Variants in SLCO5A1 observed in about 807,000 individuals in gnomAD.
The protein encoded by SLCO5A1 is organic anion transporter polypeptide-related protein 4.
In SLCO5A1, 39 loss-of-function variants were observed where a neutral mutation model predicts 65.1. The ratio of observed to expected loss-of-function variants is 0.60; its 90% CI spans 0.46 to 0.78. SLCO5A1 has a LOEUF of 0.78. SLCO5A1 is among the 30% of genes least tolerant of loss of function. The pLI, the probability that SLCO5A1 is intolerant of heterozygous loss-of-function variation, is 0.00. For missense variants in SLCO5A1, 1,029 were observed against 1,069.4 expected, an observed-to-expected ratio of 0.96 and a Z score of 0.53; for synonymous variants, 438 against 415.7, an observed-to-expected ratio of 1.05 and a Z score of -0.65.
chr8:69,778,273 TA>T (rs1818653648), intron 2 of SLCO5A1, among the ~76,000 whole-genome samples: 5 of 151,538 alleles, frequency 3.3e-5, no homozygotes, highest in Non-Finnish European at 7.4e-5. Flanking sequence ...ATATATGTGT[TA>T]AACCTTTTCA....
At chr8:69,819,429 T>G (rs1820544940) in intron 2 of SLCO5A1, among the ~76,000 whole-genome samples, 1 of 152,036 alleles carries the variant, frequency 6.6e-6, no homozygotes, top group South Asian at 2.1e-4. Context: ...ATTTCTGCTT[T>G]TATTAGAAAG....
chr8:69,757,710 C>T (rs151020644), intron 3 of SLCO5A1, among the ~76,000 whole-genome samples: 2 of 152,164 alleles, frequency 1.3e-5, no homozygotes, highest in East Asian at 3.9e-4. Flanking sequence ...AAAAGGTCAT[C>T]TGTCTATAGA....
chr8:69,762,380 G>C (rs536043516), intron 2 of SLCO5A1, among the ~76,000 whole-genome samples: 137 of 151,996 alleles, frequency 9.0e-4, no homozygotes, highest in African/African-American at 3.1e-3. Flanking sequence ...TAGAGATGGG[G>C]TTTCACCATG....
At chr8:69,678,356 A>G (rs1239184244) in intron 8 of SLCO5A1, among the ~76,000 whole-genome samples, 2 of 152,190 alleles carry the variant, frequency 1.3e-5, no homozygotes, top group Non-Finnish European at 2.9e-5. Flanking sequence ...TTAGCAGGAG[A>G]CAAGATAAGG....
rs570491122 is a variant in SLCO5A1 at position 69,711,627 on chromosome 8, G to C, written c.1424-6398C>G. Among the ~76,000 whole-genome samples the C allele has an allele frequency of 4.6e-5, 7 of 152,220 alleles. No homozygotes were observed. The East Asian group carries it at 1.3e-3, about 29-fold the overall frequency. On this transcript the variant is annotated intron_variant, in intron 5 of 9. Transcript: ENST00000260126. ...GTTCAAGAGGCAGATCCAGGTAAGA[G>C]TCTGGGCTATGTAGCCAGATCCCCT...
At chr8:69,811,763 T>C (rs949272434) in intron 2 of SLCO5A1, among the ~76,000 whole-genome samples, 5 of 152,226 alleles carry the variant, frequency 3.3e-5, no homozygotes, top group African/African-American at 1.2e-4. Flanking sequence ...TGTTTAACCA[T>C]GTGCCAGGCC....
At chr8:69,674,416 G>A (rs894407146) in intron 9 of SLCO5A1, among the ~76,000 whole-genome samples, 2 of 152,054 alleles carry the variant, frequency 1.3e-5, no homozygotes, top group Non-Finnish European at 2.9e-5. Context: ...TGAGTGATAC[G>A]TTTTAAATAA....
rs1813367974 is a variant in SLCO5A1 at position 69,672,550 on chromosome 8, C to T, written c.*319G>A. The T allele has an allele frequency of 1.7e-5, 5 of 292,174 alleles. No homozygotes were observed. The South Asian group carries it at 3.9e-4, about 23-fold the overall frequency. The allele number at this position is 292,174 out of a possible 1,614,324, so 18.1% of individuals were successfully genotyped here. On this transcript the variant is annotated 3_prime_UTR_variant, in exon 10 of 10. Transcript: ENST00000260126. ...GAGTGTTAGTTAATGATATGCACCG[C>T]CATTCCCCTTCCCATGGTTTTGCTA...
intron 4 of SLCO5A1, among the ~76,000 whole-genome samples, chr8:69,746,251 C>G (rs1817024161): frequency 6.6e-6 from 1 of 152,104 alleles, no homozygotes; most frequent in Non-Finnish European, 1.5e-5. Context: ...AAAGAAATTT[C>G]CTTAGGATAG....
At chr8:69,709,574 A>G (rs536934133) in intron 5 of SLCO5A1, among the ~76,000 whole-genome samples, 1 of 152,372 alleles carries the variant, frequency 6.6e-6, no homozygotes, top group African/African-American at 2.4e-5. Flanking sequence ...AAAACAGAAA[A>G]GTAGGAAGGA....
chr8:69,716,801 A>T (rs1815562460), intron 5 of SLCO5A1, among the ~76,000 whole-genome samples: 1 of 146,812 alleles, frequency 6.8e-6, no homozygotes, highest in Non-Finnish European at 1.5e-5. Flanking sequence ...TTTTTTTAAG[A>T]CAGGGCCTTG....
intron 5 of SLCO5A1, among the ~76,000 whole-genome samples, chr8:69,730,672 A>G (rs971822109): frequency 6.6e-6 from 1 of 152,178 alleles, no homozygotes; most frequent in African/African-American, 2.4e-5. Context: ...CCTTATAACT[A>G]TGGGTCCTAA....
chr8:69,824,158 C>A (rs1389339451), intron 2 of SLCO5A1, among the ~76,000 whole-genome samples: 1 of 151,674 alleles, frequency 6.6e-6, no homozygotes, highest in African/African-American at 2.4e-5. Flanking sequence ...GCACTAAATG[C>A]CCACAAGAGA....
chr8:69,704,803 A>C lies in SLCO5A1; in HGVS notation c.1622+228T>G, dbSNP rs571986816. 115 of 529,506 alleles carry C rather than the reference A, an allele frequency of 2.2e-4. No homozygotes were observed. In the South Asian group the frequency reaches 3.0e-3, roughly 14 times the overall value. The allele number at this position is 529,506 out of a possible 1,614,324, so 32.8% of individuals were successfully genotyped here. A position where few individuals can be genotyped will look rare whatever the true frequency, so the allele number is the denominator to read the frequency against. ...TTCATCCTCATCTGATGTAATTAAA[A>C]TGCTATGAAAGTCCCTCTGTGGGGT... On this transcript the variant is annotated intron_variant, in intron 6 of 9. Transcript: ENST00000260126.
intron 2 of SLCO5A1, among the ~76,000 whole-genome samples, chr8:69,785,883 T>A (rs1819025849): frequency 6.6e-6 from 1 of 152,174 alleles, no homozygotes; most frequent in African/African-American, 2.4e-5. Context: ...CAACACCAAG[T>A]CCTAATCTTT....
intron 2 of SLCO5A1, among the ~76,000 whole-genome samples, chr8:69,784,846 AGAAAGAAAGAAAG>A (rs1389403138): frequency 6.7e-6 from 1 of 148,504 alleles, no homozygotes; most frequent in African/African-American, 2.5e-5. Context: ...AAAGAAAGAA[AGAAAGAAAGAAAG>A]AAAGGGAAGG....
intron 2 of SLCO5A1, among the ~76,000 whole-genome samples, chr8:69,798,112 C>A (rs1819578249): frequency 6.6e-6 from 1 of 152,152 alleles, no homozygotes; most frequent in Non-Finnish European, 1.5e-5. Context: ...TAGAAAAGAA[C>A]CTACATGAAA....
At chr8:69,816,302 A>C (rs1820406834) in intron 2 of SLCO5A1, among the ~76,000 whole-genome samples, 1 of 152,170 alleles carries the variant, frequency 6.6e-6, no homozygotes, top group South Asian at 2.1e-4. Context: ...GACATTGCCA[A>C]ATGTCTCCAG....
chr8:69,721,690 T>C (rs1354757945), intron 5 of SLCO5A1, among the ~76,000 whole-genome samples: 2 of 152,226 alleles, frequency 1.3e-5, no homozygotes, highest in East Asian at 3.8e-4. Flanking sequence ...AAAATGTTTT[T>C]ATTTATAGAA....
Sources: allele counts gnomAD v4.1 joint callset (sites outside exome capture counted in the v4.1 genomes callset), GRCh38; gene constraint gnomAD v4.1.1; transcripts MANE v1.5; gene names NCBI Gene and HGNC (gene_info 2026-07-23, HGNC 2026-07-21).